The following SORBS2 variants were observed in gnomAD, a reference collection of about 807,000 sequenced individuals.
SORBS2 encodes sorbin and SH3 domain containing 2, also known as sorbin and SH3 domain-containing protein 2.
A neutral mutation model predicts 97.7 loss-of-function variants in SORBS2; 46 were observed. That is an observed-to-expected ratio of 0.47 (90% confidence interval 0.37 to 0.60). The LOEUF (loss-of-function observed/expected upper bound fraction) is 0.60. SORBS2 is among the 20% of genes least tolerant of loss of function. The pLI, the probability that SORBS2 is intolerant of heterozygous loss-of-function variation, is 0.00. For missense variants in SORBS2, 1,316 were observed against 1,282.3 expected, an observed-to-expected ratio of 1.03 and a Z score of -0.40; for synonymous variants, 476 against 473.4, an observed-to-expected ratio of 1.01 and a Z score of -0.07.
intron 2 of SORBS2, among the ~76,000 whole-genome samples, chr4:185,735,885 G>A (rs1392397888): frequency 6.6e-6 from 1 of 152,248 alleles, no homozygotes; most frequent in East Asian, 1.9e-4. Flanking sequence ...TTATCCTAAT[G>A]TTGCTGAGTT....
At position 185,629,589 on chromosome 4, in the gene SORBS2, G is replaced by C. The variant is rs2096873592; in HGVS notation, c.446+960C>G. ...GTTTTTTTTTTTTTTTTTAGACTGA[G>C]TCTTGCTGTGTTGCCAGGCTGGAGT... On this transcript the variant is annotated intron_variant, in intron 5 of 14. Transcript: ENST00000418609. 4.4e-5 allele frequency among the ~76,000 whole-genome samples: 6 copies of C among 137,286 alleles called. No homozygotes were observed. In the South Asian group the frequency reaches 1.4e-3, roughly 32 times the overall value. 90.1% of individuals were successfully genotyped at this position (137,286 alleles called of 152,430 possible).
At position 185,751,190 on chromosome 4, in the gene SORBS2, A is replaced by AAAAAAAAAAAAAAAAAAGAGAG; in HGVS notation, c.-198+24036_-198+24037insCTCTCTTTTTTTTTTTTTTTTT. 5.8e-5 allele frequency among the ~76,000 whole-genome samples: 5 copies of AAAAAAAAAAAAAAAAAAGAGAG among 86,502 alleles called. 1 individual carries two copies. In the South Asian group the frequency reaches 1.9e-3, roughly 33 times the overall value. The allele number at this position is 86,502 out of a possible 152,430, so 56.7% of individuals were successfully genotyped here. On this transcript the variant is annotated intron_variant, in intron 2 of 20. Transcript: ENST00000284776. ...TAAATACTAAAAAAAAAAAAAAAAA[A>AAAAAAAAAAAAAAAAAAGAGAG]AGAGAAAGAGAGAGAAATTCAGGAA... is the stretch of plus-strand genomic sequence containing the variant.
At chr4:185,941,367 G>T (rs1398358557) in intron 1 of SORBS2, among the ~76,000 whole-genome samples, 1 of 143,178 alleles carries the variant, frequency 7.0e-6, no homozygotes, top group South Asian at 2.4e-4. Context: ...AGAGGGCCAT[G>T]AGGTTACATT....
At chr4:185,854,823 G>GAGAGAGAGCC (rs1561237598) in intron 1 of SORBS2, among the ~76,000 whole-genome samples, 8 of 152,014 alleles carry the variant, frequency 5.3e-5, no homozygotes, top group African/African-American at 1.9e-4. Context: ...GAGAGCCTTA[G>GAGAGAGAGCC]TTAGTTTACT....
At chr4:185,854,185 G>C (rs1324119356) in intron 1 of SORBS2, among the ~76,000 whole-genome samples, 2 of 152,162 alleles carry the variant, frequency 1.3e-5, no homozygotes, top group Non-Finnish European at 2.9e-5. Flanking sequence ...GTCAGCAAGG[G>C]GGTGGCGGAG....
exon 2 of SORBS2, chr4:185,652,717 C>A (rs151036410): frequency 6.2e-7 from 1 of 1,614,046 alleles, no homozygotes; most frequent in Non-Finnish European, 8.5e-7. Context: ...AGTCCTTGGG[C>A]CGGTCGACTG....
rs1294492137 is a variant in SORBS2, at chr4:185,704,709, T to TGTCGC, written c.-197-25888_-197-25887insGCGAC. On this transcript the variant is annotated intron_variant, in intron 2 of 20. Coordinates refer to the SORBS2 transcript ENST00000284776. Reference sequence around the variant, plus strand: ...CTGGATGTTCCCTCTCCCTCAACTCTCCATGTTTTGAGAAATAAGACAAGA... The same window carrying TGTCGC: ...CTGGATGTTCCCTCTCCCTCAACTCTGTCGCCCATGTTTTGAGAAATAAGACAAGA... Among the ~76,000 whole-genome samples the TGTCGC allele has an allele frequency of 1.6e-3, 244 of 152,174 alleles. 2 individuals carry two copies. Among genetic ancestry groups the TGTCGC allele is most frequent in the African/African-American group, 5.6e-3 (233 of 41,466 alleles).
chr4:185,703,204 G>A (rs963976876), intron 2 of SORBS2, among the ~76,000 whole-genome samples: 20 of 152,186 alleles, frequency 1.3e-4, no homozygotes, highest in African/African-American at 3.6e-4. Context: ...GAATTTGATC[G>A]TTCCTAAAAT....
rs960215751 is a variant in SORBS2 at position 185,821,163 on chromosome 4, G to A, written c.-337-45797C>T. ...AGAGGGAACAAATGAACCGTCCCGC[G>A]CCTCACCAAGGGGCCACACGCGAGC... On this transcript the variant is annotated intron_variant, in intron 1 of 20. Coordinates refer to the SORBS2 transcript ENST00000284776. 5.3e-5 allele frequency among the ~76,000 whole-genome samples: 8 copies of A among 152,306 alleles called. No homozygotes were observed. In the South Asian group the frequency reaches 6.2e-4, roughly 12 times the overall value.
At chr4:185,725,554 G>A (rs1046230909) in intron 2 of SORBS2, among the ~76,000 whole-genome samples, 36 of 152,178 alleles carry the variant, frequency 2.4e-4, no homozygotes, top group Non-Finnish European at 1.8e-4. Context: ...AGAACCCCAA[G>A]TAATTAATCA....
chr4:185,652,691 A>G, exon 2 of SORBS2: 1 of 1,614,208 alleles, frequency 6.2e-7, no homozygotes. Context: ...AATTTGCTTA[A>G]ACATCGTCTT....
chr4:185,797,796 C>T (rs2099112339), intron 1 of SORBS2, among the ~76,000 whole-genome samples: 1 of 152,184 alleles, frequency 6.6e-6, no homozygotes, highest in Admixed American at 6.5e-5. Context: ...CCGGTTCTCC[C>T]TACTGTTCCT....
In SORBS2 at chr4:185,755,577, G is replaced by T. The variant is rs577642433; in HGVS notation, c.-198+19650C>A. Among the ~76,000 whole-genome samples, 3 of 152,284 alleles carry T rather than the reference G, an allele frequency of 2.0e-5. No homozygotes were observed. The East Asian group carries it at 5.8e-4, about 29-fold the overall frequency. On this transcript the variant is annotated intron_variant, in intron 2 of 20. Transcript: ENST00000284776. ...AATCCTGCCAGCCACATTTTTACTG[G>T]CAGGCATAGCAGGAGACAGCACAAT...
chr4:185,920,399 TA>T (rs1232988767), intron 1 of SORBS2, among the ~76,000 whole-genome samples: 1 of 152,212 alleles, frequency 6.6e-6, no homozygotes, highest in Non-Finnish European at 1.5e-5. Flanking sequence ...CCTCTGGCTG[TA>T]ACTGGAGACC....
chr4:185,928,675 A>T, intron 1 of SORBS2, among the ~76,000 whole-genome samples: 1 of 152,144 alleles, frequency 6.6e-6, no homozygotes, highest in Non-Finnish European at 1.5e-5. Flanking sequence ...CCTCCCGAGT[A>T]GCTGGGACTA....
Position 185,831,894 on chromosome 4 carries a change from A to G in SORBS2, c.-337-56528T>C, listed in dbSNP as rs139194012. ...ATGCTGTCATCTCTAAAGTGGAACTAATACTAGCACCTTATTAAAATGGTG... is the reference window on the plus strand; with the variant it reads ...ATGCTGTCATCTCTAAAGTGGAACTGATACTAGCACCTTATTAAAATGGTG... On this transcript the variant is annotated intron_variant, in intron 1 of 20. Transcript: ENST00000284776. Among the ~76,000 whole-genome samples, 16 of 152,352 alleles carry G rather than the reference A, an allele frequency of 1.1e-4. No individual in the cohort carries two copies. In the East Asian group the frequency reaches 3.1e-3, roughly 29 times the overall value.
intron 1 of SORBS2, among the ~76,000 whole-genome samples, chr4:185,818,280 C>G (rs2099194530): frequency 6.6e-6 from 1 of 152,166 alleles, no homozygotes; most frequent in South Asian, 2.1e-4. Context: ...ATCTCCGCCT[C>G]CTGGGTTCAA....
intron 13 of SORBS2, among the ~76,000 whole-genome samples, chr4:185,590,097 C>G (rs1037554955): frequency 1.3e-5 from 2 of 152,074 alleles, no homozygotes; most frequent in African/African-American, 4.8e-5. Context: ...TAAGTCAGAC[C>G]CGCATTTCAG....
chr4:185,780,779 T>G (rs2099024718), intron 1 of SORBS2, among the ~76,000 whole-genome samples: 1 of 152,192 alleles, frequency 6.6e-6, no homozygotes. Flanking sequence ...ACATGTGTCA[T>G]TTTGCCATCT....
Sources: allele counts gnomAD v4.1 joint callset (sites outside exome capture counted in the v4.1 genomes callset), GRCh38; gene constraint gnomAD v4.1.1; transcripts MANE v1.5; gene names NCBI Gene and HGNC (gene_info 2026-07-23, HGNC 2026-07-21).